Variants in ZRANB3 observed in about 807,000 individuals in gnomAD.
ZRANB3 encodes the protein zinc finger RANBP2-type containing 3, also known as DNA annealing helicase and endonuclease ZRANB3.
ZRANB3 carries 125 observed loss-of-function variants against 133.8 expected under a neutral mutation model. That is an observed-to-expected ratio of 0.93 (90% CI 0.81 to 1.08). The LOEUF (loss-of-function observed/expected upper bound fraction) is 1.08. ZRANB3 is among the 50% of genes least tolerant of loss of function. The pLI, the probability that ZRANB3 is intolerant of heterozygous loss-of-function variation, is 0.00. For missense variants in ZRANB3, 1,229 were observed against 1,275.5 expected (o/e 0.96, Z 0.56); for synonymous variants, 387 against 432.7 (o/e 0.89, Z 1.31).
intron 3 of ZRANB3, among the ~76,000 whole-genome samples, chr2:135,373,030 C>T (rs1407911282): frequency 6.6e-6 from 1 of 150,810 alleles, no homozygotes; most frequent in East Asian, 2.0e-4. Context: ...TGTATTCCAG[C>T]CTAGGCGACA....
intron 4 of ZRANB3, among the ~76,000 whole-genome samples, chr2:135,352,315 G>A (rs1685243108): frequency 6.7e-6 from 1 of 150,320 alleles, no homozygotes; most frequent in Non-Finnish European, 1.5e-5. Context: ...CTGGGCGATA[G>A]AGTGACACTC....
At chr2:135,459,176 G>GT (rs1189464540) in intron 2 of ZRANB3, among the ~76,000 whole-genome samples, 2 of 152,120 alleles carry the variant, frequency 1.3e-5, no homozygotes, top group African/African-American at 4.8e-5. Flanking sequence ...GCCTAATACT[G>GT]TATTAATGGA....
chr2:135,328,002 CTA>C (rs1232754687), intron 6 of ZRANB3, among the ~76,000 whole-genome samples: 2 of 151,676 alleles, frequency 1.3e-5, no homozygotes, highest in Non-Finnish European at 2.9e-5. Context: ...GAGAAGCTGT[CTA>C]GAGGGAAAGT....
intron 2 of ZRANB3, among the ~76,000 whole-genome samples, chr2:135,497,199 C>G (rs1281745926): frequency 6.6e-6 from 1 of 152,162 alleles, no homozygotes; most frequent in Non-Finnish European, 1.5e-5. Flanking sequence ...CAGTAAAACT[C>G]CATTCACAAA....
At position 135,230,786 on chromosome 2, in the gene ZRANB3, C is replaced by CA. The variant is rs1694976213; in HGVS notation, c.1680dup (p.Ala561CysfsTer8). On this transcript the variant is annotated frameshift_variant, in exon 13 of 21. Transcript: ENST00000264159. LOFTEE classifies it high-confidence loss of function. ...CTTTCATAATCGATGATATCTCTTG[C>CA]AGCTGTTTTTGTAGGGTCTGATGAC... The CA allele has an allele frequency of 1.2e-6, 2 of 1,613,794 alleles. No individual in the cohort carries two copies. The highest frequency in any genetic ancestry group is 3.3e-5 in the Admixed American group (2 of 59,968).
At chr2:135,319,903 T>C (rs1200144266) in intron 6 of ZRANB3, among the ~76,000 whole-genome samples, 3 of 152,218 alleles carry the variant, frequency 2.0e-5, no homozygotes, top group African/African-American at 7.2e-5. Context: ...GAGGAAGATG[T>C]GCTGAAAAGA....
At chr2:135,402,593 C>CA (rs540894244) in intron 2 of ZRANB3, among the ~76,000 whole-genome samples, 1 of 143,626 alleles carries the variant, frequency 7.0e-6, no homozygotes, top group Non-Finnish European at 1.5e-5. Flanking sequence ...TGCACCCAGA[C>CA]TTTTTTTTTT....
intron 2 of ZRANB3, among the ~76,000 whole-genome samples, chr2:135,462,141 T>C (rs1297138665): frequency 5.3e-5 from 8 of 152,208 alleles, no homozygotes; most frequent in African/African-American, 1.7e-4. Flanking sequence ...TTCATACATA[T>C]ATATGAATAA....
rs1330393283 is a variant in ZRANB3 at position 135,286,326 on chromosome 2, G to GCCACC, written c.967-10572_967-10571insGGTGG. ...GGAGTCTGGCTTTGCCACCCAGGCT[G>GCCACC]GAGTGCAGTGGTACAATCTCGGCTC... On this transcript the variant is annotated intron_variant, in intron 8 of 20. Transcript: ENST00000264159. 1.2e-4 allele frequency among the ~76,000 whole-genome samples: 19 copies of GCCACC among 152,288 alleles called. No homozygotes were observed. In the East Asian group the frequency reaches 3.3e-3, roughly 26 times the overall value.
intron 2 of ZRANB3, among the ~76,000 whole-genome samples, chr2:135,401,282 T>C (rs56954323): frequency 0.045 from 6,753 of 151,308 alleles, 503 homozygotes; most frequent in African/African-American, 0.16. Context: ...AGGATTTTTC[T>C]TTCCCGGATT....
intron 2 of ZRANB3, among the ~76,000 whole-genome samples, chr2:135,478,529 CTT>C (rs1247964622): frequency 2.0e-5 from 3 of 152,064 alleles, no homozygotes; most frequent in Admixed American, 1.3e-4. Context: ...AAATTAGTAT[CTT>C]ATATAACTCT....
chr2:135,462,676 T>G (rs1690816925), intron 2 of ZRANB3, among the ~76,000 whole-genome samples: 1 of 150,430 alleles, frequency 6.6e-6, no homozygotes, highest in South Asian at 2.2e-4. Context: ...CACTGCAACC[T>G]CTGCCTCCCA....
intron 2 of ZRANB3, among the ~76,000 whole-genome samples, chr2:135,416,907 T>C (rs1299155721): frequency 5.3e-5 from 8 of 152,204 alleles, no homozygotes; most frequent in Non-Finnish European, 1.0e-4. Flanking sequence ...GCTAGCCATA[T>C]GTAAAAAGCT....
intron 2 of ZRANB3, among the ~76,000 whole-genome samples, chr2:135,433,245 G>C (rs1259450444): frequency 6.6e-6 from 1 of 152,100 alleles, no homozygotes; most frequent in Admixed American, 6.6e-5. Context: ...AAATTAGCCA[G>C]GTGTGGTGAC....
intron 8 of ZRANB3, among the ~76,000 whole-genome samples, chr2:135,280,118 A>G (rs958005028): frequency 2.0e-5 from 3 of 152,204 alleles, no homozygotes; most frequent in African/African-American, 4.8e-5. Context: ...AATAATCAGC[A>G]TCTTGGTAGT....
chr2:135,233,591 T>A (rs1695138356), intron 12 of ZRANB3, among the ~76,000 whole-genome samples: 1 of 152,140 alleles, frequency 6.6e-6, no homozygotes, highest in Non-Finnish European at 1.5e-5. Flanking sequence ...TAACAGCGGA[T>A]CTCTTGGCAG....
intron 12 of ZRANB3, among the ~76,000 whole-genome samples, chr2:135,253,017 C>G (rs1312077565): frequency 2.0e-5 from 3 of 152,134 alleles, no homozygotes; most frequent in African/African-American, 7.2e-5. Context: ...TGCCTCAAAT[C>G]CCCTCTAGGA....
chr2:135,506,598 T>A (rs982022239), intron 1 of ZRANB3, among the ~76,000 whole-genome samples: 1 of 152,212 alleles, frequency 6.6e-6, no homozygotes, highest in African/African-American at 2.4e-5. Context: ...AAAATTCAGT[T>A]ATCCAGTTTC....
chr2:135,502,648 A>G (rs1215283279), intron 2 of ZRANB3, among the ~76,000 whole-genome samples: 2 of 152,218 alleles, frequency 1.3e-5, no homozygotes, highest in Non-Finnish European at 2.9e-5. Context: ...GAGAAGCCCA[A>G]CCACACAAGT....
Sources: gnomAD v4.1 joint callset for allele counts (sites outside exome capture counted in the v4.1 genomes callset) on GRCh38, gnomAD v4.1.1 for gene constraint, MANE v1.5 for transcripts, NCBI Gene and HGNC (gene_info 2026-07-23, HGNC 2026-07-21) for gene names.